TRPM3: variants seen among roughly 807,000 people sequenced by gnomAD.
TRPM3 encodes the protein long transient receptor potential channel 3.
TRPM3 carries 77 observed loss-of-function variants against 181.2 expected under a neutral mutation model. That is an observed-to-expected ratio of 0.42 (90% confidence interval 0.35 to 0.51). TRPM3 has a LOEUF of 0.51. Among genes scored for constraint, TRPM3 ranks in the 20% least tolerant of loss-of-function variants. The pLI, the probability that TRPM3 is intolerant of heterozygous loss-of-function variation, is 0.01. For missense variants in TRPM3, 1,759 were observed against 2,196.7 expected, an observed-to-expected ratio of 0.80 and a Z score of 3.98; for synonymous variants, 745 against 796.4, an observed-to-expected ratio of 0.94 and a Z score of 1.09.
intron 22 of TRPM3, among the ~76,000 whole-genome samples, chr9:70,571,403 C>G (rs12553115): frequency 0.25 from 37,643 of 151,928 alleles, 5,099 homozygotes; most frequent in Admixed American, 0.31. Flanking sequence ...CTCTGTAAAT[C>G]CTGACCATTT....
chr9:71,096,592 T>TCTCA (rs2067299663), intron 1 of TRPM3, among the ~76,000 whole-genome samples: 2 of 64,774 alleles, frequency 3.1e-5, no homozygotes, highest in South Asian at 6.0e-4. Flanking sequence ...ACACACACAC[T>TCTCA]CTCTCTCTCT....
chr9:70,857,214 G>A (rs551222083), intron 3 of TRPM3, among the ~76,000 whole-genome samples: 98 of 152,216 alleles, frequency 6.4e-4, no homozygotes, highest in African/African-American at 2.3e-3. Flanking sequence ...GCTTACCGGG[G>A]CTTGCAATTT....
intron 1 of TRPM3, among the ~76,000 whole-genome samples, chr9:71,353,519 C>T (rs997228998): frequency 3.9e-5 from 6 of 152,148 alleles, no homozygotes; most frequent in African/African-American, 1.4e-4. Context: ...ACAGTCAGGG[C>T]ATCTCATCAC....
At chr9:71,142,513 C>A (rs1449476641) in intron 1 of TRPM3, among the ~76,000 whole-genome samples, 1 of 151,974 alleles carries the variant, frequency 6.6e-6, no homozygotes, top group Non-Finnish European at 1.5e-5. Context: ...CGTATATACA[C>A]ACATACATAT....
chr9:71,162,199 CAAAAA>C (rs35947110), intron 1 of TRPM3, among the ~76,000 whole-genome samples: 21 of 74,430 alleles, frequency 2.8e-4, no homozygotes, highest in South Asian at 1.3e-3. Flanking sequence ...GACTCTGTCT[CAAAAA>C]AAAAAAAAAA....
At position 70,852,230 on chromosome 9, in the gene TRPM3, C is replaced by T. The variant is rs181913617; in HGVS notation, c.463-5639G>A. The stretch of plus-strand genomic sequence containing the variant: ...AAGAACCTTGTGTATTTACTGTGCA[C>T]CAGGCACATGCATGCTGCGTGTTCT... On this transcript the variant is annotated intron_variant, in intron 3 of 25. Coordinates refer to ENST00000677713, the MANE Select transcript of TRPM3 (RefSeq NM_001366145.2). 2.1e-3 allele frequency among the ~76,000 whole-genome samples: 325 copies of T among 151,746 alleles called. 2 individuals carry two copies. Among genetic ancestry groups the T allele is most frequent in the African/African-American group, 7.4e-3 (307 of 41,356 alleles).
chr9:71,215,747 G>A (rs2079823798), intron 1 of TRPM3, among the ~76,000 whole-genome samples: 1 of 152,148 alleles, frequency 6.6e-6, no homozygotes. Context: ...TTTGCTGGTG[G>A]TTTTAATTGT....
intron 8 of TRPM3, 103 bp downstream of exon 8, chr9:70,761,498 G>A (rs4745036): frequency 3.4e-5 from 53 of 1,549,482 alleles, no homozygotes; most frequent in African/African-American, 1.6e-4. Context: ...CTGTAAGCTC[G>A]GCCAGAAAGA....
At chr9:71,310,629 T>C (rs1372144090) in intron 1 of TRPM3, among the ~76,000 whole-genome samples, 1 of 152,166 alleles carries the variant, frequency 6.6e-6, no homozygotes, top group Non-Finnish European at 1.5e-5. Context: ...GTGTCTTGTA[T>C]GATTAACTAA....
At position 70,823,770 on chromosome 9, in the gene TRPM3, G is replaced by A. The variant is rs78894145; in HGVS notation, c.973+4077C>T. Among the ~76,000 whole-genome samples, 843 of 152,320 alleles carry A rather than the reference G, an allele frequency of 5.5e-3. 9 individuals carry two copies. The highest frequency in any genetic ancestry group is 0.019 in the African/African-American group (788 of 41,564). On this transcript the variant is annotated intron_variant, in intron 6 of 25. Coordinates refer to ENST00000677713, the MANE Select transcript of TRPM3 (RefSeq NM_001366145.2). ...CATGACTGGTACTTAGTAGGAATTCGATAAGTATTTACTTACTAAAGGAAT... is the reference window on the plus strand; with the variant it reads ...CATGACTGGTACTTAGTAGGAATTCAATAAGTATTTACTTACTAAAGGAAT...
intron 1 of TRPM3, among the ~76,000 whole-genome samples, chr9:70,984,348 C>G (rs1461010440): frequency 2.0e-5 from 3 of 152,130 alleles, no homozygotes; most frequent in African/African-American, 7.2e-5. Context: ...AATTTGAAGG[C>G]TGGCAGTGTT....
At chr9:71,215,040 AAAAAAAC>A (rs1484714005) in intron 1 of TRPM3, among the ~76,000 whole-genome samples, 8 of 39,728 alleles carry the variant, frequency 2.0e-4, no homozygotes, top group Admixed American at 3.0e-4. Context: ...AAACAAAAAA[AAAAAAAC>A]AAAAAAAAAA....
intron 1 of TRPM3, among the ~76,000 whole-genome samples, chr9:70,891,307 G>A (rs1205340942): frequency 2.0e-5 from 3 of 150,722 alleles, no homozygotes; most frequent in South Asian, 2.1e-4. Context: ...GGAGAGTGAG[G>A]GAAAAGATGA....
intron 1 of TRPM3, among the ~76,000 whole-genome samples, chr9:71,388,457 C>G (rs536174177): frequency 1.3e-5 from 2 of 151,896 alleles, no homozygotes; most frequent in South Asian, 2.1e-4. Flanking sequence ...AGTGTACATG[C>G]GTGGAATTGG....
In TRPM3 at chr9:70,916,895, G is replaced by A. The variant is rs943709190; in HGVS notation, c.178-52384C>T. ...ACTTGAAAAGTCAGTGCTGGCAGATGGGGAGGCAAGTGGTTCACTTCTCTT... is the reference window on the plus strand; with the variant it reads ...ACTTGAAAAGTCAGTGCTGGCAGATAGGGAGGCAAGTGGTTCACTTCTCTT... On this transcript the variant is annotated intron_variant, in intron 1 of 25. Transcript: ENST00000677713. 3 of 741,314 alleles carry A rather than the reference G, an allele frequency of 4.0e-6. No individual in the cohort carries two copies. The East Asian group carries it at 7.8e-5, about 19-fold the overall frequency. 45.9% of individuals were successfully genotyped at this position (741,314 alleles called of 1,614,324 possible).
intron 1 of TRPM3, among the ~76,000 whole-genome samples, chr9:71,239,027 T>A (rs1465533777): frequency 6.6e-6 from 1 of 152,050 alleles, no homozygotes. Context: ...CAAATGCATC[T>A]CTTGTTCTTG....
intron 6 of TRPM3, among the ~76,000 whole-genome samples, chr9:70,808,792 G>C (rs987605734): frequency 6.6e-6 from 1 of 152,204 alleles, no homozygotes; most frequent in Admixed American, 6.5e-5. Context: ...TTTGGTATTT[G>C]TGTTTTGGAA....
intron 1 of TRPM3, among the ~76,000 whole-genome samples, chr9:71,363,479 C>T (rs555333583): frequency 6.6e-5 from 10 of 152,240 alleles, no homozygotes; most frequent in Admixed American, 4.6e-4. Flanking sequence ...TGCATGTCAC[C>T]GTACTGCCCC....
At chr9:70,805,655 C>T (rs1021410779) in intron 6 of TRPM3, among the ~76,000 whole-genome samples, 8 of 151,272 alleles carry the variant, frequency 5.3e-5, no homozygotes, top group Non-Finnish European at 1.0e-4. Flanking sequence ...TTCCTACATA[C>T]CTAAGTTTAT....
Sources: allele counts gnomAD v4.1 joint callset (sites outside exome capture counted in the v4.1 genomes callset), GRCh38; gene constraint gnomAD v4.1.1; transcripts MANE v1.5; gene names NCBI Gene and HGNC (gene_info 2026-07-23, HGNC 2026-07-21).